The following KMT2C variants were observed in gnomAD, a reference collection of about 807,000 sequenced individuals.
KMT2C encodes the protein lysine methyltransferase 2C, also known as histone-lysine N-methyltransferase 2C.
A neutral mutation model predicts 507.9 loss-of-function variants in KMT2C; 88 were observed. That is an observed-to-expected ratio of 0.17 (90% CI 0.15 to 0.21). The LOEUF is 0.21. Among genes scored for constraint, KMT2C ranks in the 10% least tolerant of loss-of-function variants. The pLI is 1.00. For synonymous variants in KMT2C, 2,049 were observed against 2,080.8 expected (o/e 0.98, Z 0.42); for missense variants, 4,954 against 5,957.8 (o/e 0.83, Z 5.55).
At chr7:152,270,325 G>C (rs2095939224) in intron 7 of KMT2C, among the ~76,000 whole-genome samples, 1 of 152,202 alleles carries the variant, frequency 6.6e-6, no homozygotes, top group Non-Finnish European at 1.5e-5. Flanking sequence ...AAAGAGGCTG[G>C]AGTTAAAGCT....
Position 152,174,141 on chromosome 7 carries a change from C to A in KMT2C, c.9364G>T (p.Val3122Leu), listed in dbSNP as rs1244312926. 1.3e-6 allele frequency: 2 copies of A among 1,593,850 alleles called. No homozygotes were observed. The highest frequency in any genetic ancestry group is 2.7e-5 in the African/African-American group (2 of 74,134). ...AGCCACTCCACCTACCTGCTCATCA[C>A]CATTGGTGGCATGCCCAGATTGTTT... ...AQNNLGMPPM[V>L]MSRFPFMGQV... Residue 3122 changes from valine to leucine, a missense_variant, in exon 39 of 59, where the codon GTG becomes TTG. Physicochemically the swap from Val to Leu is conservative, Grantham distance 32. Transcript: ENST00000262189.
At chr7:152,379,333 T>C (rs1045993360) in intron 1 of KMT2C, among the ~76,000 whole-genome samples, 1 of 151,090 alleles carries the variant, frequency 6.6e-6, no homozygotes, top group African/African-American at 2.4e-5. Context: ...AGGTCTGGAG[T>C]TCAAGACCAG....
chr7:152,430,073 G>A (rs2097852041), intron 1 of KMT2C, among the ~76,000 whole-genome samples: 1 of 151,362 alleles, frequency 6.6e-6, no homozygotes, highest in African/African-American at 2.4e-5. Context: ...AGCTTTTTGG[G>A]AGGCTGAGTC....
rs1397603167 is a variant in KMT2C at position 152,138,217 on chromosome 7, A to C, written c.14643+579T>G. On this transcript the variant is annotated intron_variant, in intron 58 of 58. Transcript: ENST00000262189. The surrounding 1 kb of genome is among the most constrained non-coding windows in gnomAD (Gnocchi z 4.2). ...CCCAATGGGTGAGCCGCCGGACCAG[A>C]GTCACCTCTGAGAGCACGGAGACAA... 6.6e-6 allele frequency: 1 copy of C among 152,444 alleles called. No individual in the cohort carries two copies. Among genetic ancestry groups the C allele is most frequent in the Non-Finnish European group, 1.5e-5 (1 of 68,190 alleles). The allele number at this position is 152,444 out of a possible 1,614,324, so 9.4% of individuals were successfully genotyped here. A position where few individuals can be genotyped will look rare whatever the true frequency, so the allele number is the denominator to read the frequency against.
chr7:152,255,674 A>G (rs1248361997), intron 9 of KMT2C, among the ~76,000 whole-genome samples: 2 of 152,202 alleles, frequency 1.3e-5, no homozygotes, highest in Admixed American at 6.5e-5. Context: ...GAATGAATAG[A>G]CAGATCGATG....
intron 6 of KMT2C, among the ~76,000 whole-genome samples, chr7:152,307,248 A>AGGAAGGAAGGACGGAC (rs1253285455): frequency 6.8e-5 from 8 of 116,986 alleles, no homozygotes; most frequent in South Asian, 2.8e-4. Context: ...GAAGGAAGGA[A>AGGAAGGAAGGACGGAC]GGACGGTAGG....
chr7:152,299,743 A>G (rs1319847979), intron 6 of KMT2C, among the ~76,000 whole-genome samples: 3 of 151,800 alleles, frequency 2.0e-5, no homozygotes, highest in Non-Finnish European at 4.4e-5. Context: ...TACATGGTCT[A>G]AATACCCCCA....
At position 152,167,356 on chromosome 7, in the gene KMT2C, A is replaced by G. The variant is rs149775558; in HGVS notation, c.9540T>C (p.Tyr3180=). The change falls in exon 42 of 59, where the codon TAT becomes TAC. Residue 3180 remains tyrosine (Y), a synonymous_variant. Coordinates refer to ENST00000262189, the MANE Select transcript of KMT2C (RefSeq NM_170606.3). ...GFVNDSQRKQ[Y]EEWLQETQQL... ...GTTGGGTCTCCTGGAGCCACTCTTC[A>G]TACTGCTTACGCTGTGAATCATCTG... 36 of 1,612,860 alleles carry G rather than the reference A, an allele frequency of 2.2e-5. No individual in the cohort carries two copies. The highest frequency in any genetic ancestry group is 3.0e-5 in the Non-Finnish European group (35 of 1,179,040).
intron 1 of KMT2C, among the ~76,000 whole-genome samples, chr7:152,389,237 G>C (rs1312653349): frequency 6.6e-6 from 1 of 151,214 alleles, no homozygotes; most frequent in East Asian, 2.0e-4. Context: ...CAATTCTGGA[G>C]ACTGGAAGTC....
chr7:152,341,521 T>C (rs1179898665), intron 2 of KMT2C, among the ~76,000 whole-genome samples: 1 of 152,156 alleles, frequency 6.6e-6, no homozygotes, highest in East Asian at 1.9e-4. Flanking sequence ...CCATATGATT[T>C]CCACCCACAA....
At chr7:152,232,158 C>A (rs1370329090) in intron 16 of KMT2C, among the ~76,000 whole-genome samples, 1 of 152,144 alleles carries the variant, frequency 6.6e-6, no homozygotes, top group Non-Finnish European at 1.5e-5. Context: ...GGATTACAGG[C>A]ATGAGCCACC....
At chr7:152,325,099 T>G (rs558609422) in intron 3 of KMT2C, among the ~76,000 whole-genome samples, 1 of 152,114 alleles carries the variant, frequency 6.6e-6, no homozygotes, top group African/African-American at 2.4e-5. Flanking sequence ...TTTTTACTCT[T>G]GGTATTTTTC....
chr7:152,284,426 A>T (rs1386664729), intron 6 of KMT2C, among the ~76,000 whole-genome samples: 3 of 152,170 alleles, frequency 2.0e-5, no homozygotes, highest in African/African-American at 4.8e-5. Flanking sequence ...CATGAATCTT[A>T]TCTCAAATTC....
intron 38 of KMT2C, 65 bp downstream of exon 38, chr7:152,176,126 T>G (rs536146830): frequency 1.5e-6 from 2 of 1,368,018 alleles, no homozygotes; most frequent in East Asian, 4.6e-5. Context: ...TAAAATCTTA[T>G]AAGCATATCG....
At position 152,177,521 on chromosome 7, in the gene KMT2C, C is replaced by T. The variant is rs1303234412; in HGVS notation, c.7932G>A (p.Met2644Ile). 2 of 1,614,014 alleles carry T rather than the reference C, an allele frequency of 1.2e-6. No individual in the cohort carries two copies. Among genetic ancestry groups the T allele is most frequent in the Admixed American group, 1.7e-5 (1 of 59,996 alleles). ...EQGHSVHSSS[M>I]VMRTLNHPLG... The stretch of plus-strand genomic sequence containing the variant: ...GTGGATGGTTCAGAGTCCTCATGAC[C>T]ATAGAAGATGAATGGACAGAATGAC... The change falls in exon 38 of 59, where the codon ATG (methionine) becomes ATA (isoleucine). Residue 2644 changes from methionine to isoleucine, a missense_variant. Around this residue, in one of 29 missense-constraint regions of KMT2C, gnomAD observed 1,689 missense variants for 1,654.3 expected, o/e 1.02. Coordinates refer to ENST00000262189, the MANE Select transcript of KMT2C (RefSeq NM_170606.3).
intron 2 of KMT2C, among the ~76,000 whole-genome samples, chr7:152,351,702 T>C (rs1320319806): frequency 6.6e-6 from 1 of 152,216 alleles, no homozygotes; most frequent in African/African-American, 2.4e-5. Flanking sequence ...TTTTATAATT[T>C]CTTACGCCTG....
At chr7:152,167,105 T>C (rs752142566) in intron 42 of KMT2C, 41 bp downstream of exon 42, 1 of 1,469,310 alleles carries the variant, frequency 6.8e-7, no homozygotes, top group African/African-American at 1.4e-5. Flanking sequence ...ATTCTACTCA[T>C]TAATTGTTGG....
rs73487304 is a variant in KMT2C at position 152,372,178 on chromosome 7, C to T, written c.162-13503G>A. On this transcript the variant is annotated intron_variant, in intron 1 of 58. Coordinates refer to ENST00000262189, the MANE Select transcript of KMT2C (RefSeq NM_170606.3). ...TGAATGGATTTTTGATTGTTTAAGA[C>T]GGAGTCTCACTCTGTCGCCCAGACT... Among the ~76,000 whole-genome samples the T allele has an allele frequency of 3.7e-3, 567 of 152,122 alleles. 6 individuals carry two copies. Among genetic ancestry groups the T allele is most frequent in the African/African-American group, 0.013 (528 of 41,512 alleles).
At chr7:152,281,523 G>A (rs1254335630) in intron 6 of KMT2C, among the ~76,000 whole-genome samples, 1 of 152,154 alleles carries the variant, frequency 6.6e-6, no homozygotes. Flanking sequence ...CCTGAGGTCA[G>A]GAGTTTGAGA....
Sources: gnomAD v4.1 joint callset for allele counts (sites outside exome capture counted in the v4.1 genomes callset) on GRCh38, gnomAD v4.1.1 for gene constraint, gnomAD v4.1.1 regional missense constraint, Gnocchi (gnomAD v3.1) non-coding constraint, MANE v1.5 for transcripts, NCBI Gene and HGNC (gene_info 2026-07-23, HGNC 2026-07-21) for gene names.